Variants in VPS13C observed in about 807,000 individuals in gnomAD.
VPS13C encodes the protein vacuolar protein sorting 13 homolog C.
A neutral mutation model predicts 456.8 loss-of-function variants in VPS13C; 358 were observed. The observed-to-expected ratio is 0.78, with a 90% CI of 0.72 to 0.86. The LOEUF (loss-of-function observed/expected upper bound fraction) is 0.86. Ranked by LOEUF, VPS13C falls within the 40% of genes least tolerant of loss-of-function variation. The probability of loss-of-function intolerance (pLI) is 0.00; values close to 1 mark genes in which losing one functional copy is unlikely to be tolerated. For missense variants in VPS13C, 4,818 were observed against 4,385.4 expected (o/e 1.10, Z -2.79); for synonymous variants, 1,578 against 1,486.7 (o/e 1.06, Z -1.41).
In VPS13C at chr15:62,013,958, T is replaced by C. The variant is rs2140521334; in HGVS notation, c.719A>G (p.Asn240Ser). Residue 240 changes from asparagine to serine, a missense_variant, in exon 10 of 85, where the codon AAT (asparagine) becomes AGT (serine). By Grantham distance (46) the Asn-to-Ser change is conservative. Transcript: ENST00000644861. Reference protein sequence around the residue: ...ANEHWTPCILNEADKIIYKLI... With the variant: ...ANEHWTPCILSEADKIIYKLI... ...CTTGTATATAATTTTGTCTGCTTCA[T>C]TTAATATGCATGGAGTCCAGTGTTC... The C allele has an allele frequency of 1.9e-6, 3 of 1,610,406 alleles. No homozygotes were observed. Among genetic ancestry groups the C allele is most frequent in the Non-Finnish European group, 2.5e-6 (3 of 1,178,042 alleles).
chr15:61,901,870 C>T (rs2043007977), intron 66 of VPS13C, among the ~76,000 whole-genome samples: 1 of 152,006 alleles, frequency 6.6e-6, no homozygotes, highest in Non-Finnish European at 1.5e-5. Context: ...CCCAAATGTC[C>T]AACAATGATA....
rs1273502741 is a variant in VPS13C, at chr15:61,901,045, T to C, written c.9105+6219A>G. Among the ~76,000 whole-genome samples, 774 of 151,772 alleles carry C rather than the reference T, an allele frequency of 5.1e-3. 9 individuals carry two copies. The highest frequency in any genetic ancestry group is 0.018 in the African/African-American group (727 of 41,364). On this transcript the variant is annotated intron_variant, in intron 66 of 84. Coordinates refer to ENST00000644861, the MANE Select transcript of VPS13C (RefSeq NM_020821.3). The stretch of plus-strand genomic sequence containing the variant: ...TATTTAATAAATGGTGCTGGGAAAA[T>C]TGGCTAGCCATATGTAGAAAGCTGA...
chr15:61,896,609 G>A (rs1400865437), intron 66 of VPS13C, among the ~76,000 whole-genome samples: 21 of 152,180 alleles, frequency 1.4e-4, no homozygotes, highest in Admixed American at 3.9e-4. Context: ...CTACGCCCAC[G>A]GAGTCTCGCT....
At chr15:61,936,882 A>T (rs2044244686) in intron 47 of VPS13C, 132 bp from the exon 48 acceptor site, 2 of 957,768 alleles carry the variant, frequency 2.1e-6, no homozygotes, top group Non-Finnish European at 3.0e-6. Context: ...AGTTAGGACT[A>T]TAAATACCAG....
intron 3 of VPS13C, among the ~76,000 whole-genome samples, chr15:62,035,912 G>C (rs1414349289): frequency 6.6e-6 from 1 of 151,980 alleles, no homozygotes; most frequent in Non-Finnish European, 1.5e-5. Context: ...GTTCAGGGAA[G>C]ACAAGAGAAG....
chr15:62,005,723 G>C (rs146700023), intron 15 of VPS13C, among the ~76,000 whole-genome samples: 1 of 150,926 alleles, frequency 6.6e-6, no homozygotes, highest in East Asian at 1.9e-4. Flanking sequence ...TTTTTCTTGA[G>C]AGGGAGTTTC....
chr15:62,007,152 GA>G (rs1006778397), intron 15 of VPS13C, among the ~76,000 whole-genome samples, 155 bp downstream of exon 15: 14 of 149,744 alleles, frequency 9.3e-5, no homozygotes, highest in Non-Finnish European at 1.3e-4. Flanking sequence ...AGAAAAACTG[GA>G]AAAAAAAAAT....
At chr15:61,921,230 C>G (rs2043643672) in intron 55 of VPS13C, among the ~76,000 whole-genome samples, 7 of 152,006 alleles carry the variant, frequency 4.6e-5, no homozygotes, top group Admixed American at 4.6e-4. Flanking sequence ...GAAATTGGAA[C>G]ACAGGTTAAG....
chr15:61,919,867 CTA>C (rs1230761594), intron 57 of VPS13C, among the ~76,000 whole-genome samples, 198 bp downstream of exon 57: 1 of 149,072 alleles, frequency 6.7e-6, no homozygotes, highest in African/African-American at 2.4e-5. Context: ...CAAAAATAAT[CTA>C]GTTTTGTAAA....
intron 64 of VPS13C, among the ~76,000 whole-genome samples, chr15:61,909,761 T>C (rs1374700616): frequency 6.6e-6 from 1 of 152,180 alleles, no homozygotes; most frequent in Admixed American, 6.5e-5. Context: ...ATGGTGTATA[T>C]GTGCCACATT....
intron 61 of VPS13C, among the ~76,000 whole-genome samples, chr15:61,914,653 C>T (rs940664147): frequency 6.6e-6 from 1 of 150,832 alleles, no homozygotes; most frequent in Non-Finnish European, 1.5e-5. Context: ...CTCTGCCTCC[C>T]GGGTTCAAGT....
chr15:61,922,298 T>G, intron 54 of VPS13C, 99 bp downstream of exon 54: 1 of 1,396,816 alleles, frequency 7.2e-7, no homozygotes, highest in Non-Finnish European at 9.7e-7. Flanking sequence ...TTCACATATG[T>G]ACTCATAGTG....
chr15:61,975,401 A>G (rs2045674802), intron 24 of VPS13C, among the ~76,000 whole-genome samples: 1 of 152,042 alleles, frequency 6.6e-6, no homozygotes, highest in African/African-American at 2.4e-5. Context: ...AGAAAAATAG[A>G]AAAGGCACAA....
At chr15:61,931,707 G>C (rs893707036) in intron 49 of VPS13C, among the ~76,000 whole-genome samples, 1 of 151,440 alleles carries the variant, frequency 6.6e-6, no homozygotes, top group African/African-American at 2.4e-5. Context: ...CTCCCGAGTA[G>C]CTGGGATTAC....
intron 82 of VPS13C, among the ~76,000 whole-genome samples, chr15:61,861,779 C>T (rs1189160918): frequency 6.6e-6 from 1 of 152,146 alleles, no homozygotes; most frequent in Admixed American, 6.5e-5. Context: ...ATGATAACTA[C>T]CTCAATCAAA....
At chr15:61,901,322 CA>C (rs2042988998) in intron 66 of VPS13C, among the ~76,000 whole-genome samples, 1 of 151,966 alleles carries the variant, frequency 6.6e-6, no homozygotes, top group Non-Finnish European at 1.5e-5. Context: ...AGTGAACAGG[CA>C]ACCTACAAAA....
intron 10 of VPS13C, 33 bp from the exon 11 acceptor site, chr15:62,013,152 C>G (rs566708989): frequency 6.8e-7 from 1 of 1,477,728 alleles, no homozygotes; most frequent in Admixed American, 1.9e-5. Flanking sequence ...ATCAGGCAAT[C>G]AACACACTGA....
At position 61,922,780 on chromosome 15, in the gene VPS13C, G is replaced by T. The variant is rs1364289765; in HGVS notation, c.6610-18C>A. The T allele has an allele frequency of 6.5e-7, 1 of 1,534,814 alleles. No individual in the cohort carries two copies. The highest frequency in any genetic ancestry group is 8.7e-7 in the Non-Finnish European group (1 of 1,146,290). On this transcript the variant is annotated intron_variant, in intron 53 of 84. Coordinates refer to ENST00000644861, the MANE Select transcript of VPS13C (RefSeq NM_020821.3). ...GGTGAAATCTTTAAAAAAGAAAGCA[G>T]AAAAATATTTATAATAAATTCTTTC...
chr15:62,021,741 A>G (rs2047469304), intron 8 of VPS13C, among the ~76,000 whole-genome samples: 1 of 152,028 alleles, frequency 6.6e-6, no homozygotes, highest in African/African-American at 2.4e-5. Flanking sequence ...CAGATATACA[A>G]TGATTTGTGG....
Sources: gnomAD v4.1 joint callset for allele counts (sites outside exome capture counted in the v4.1 genomes callset) on GRCh38, gnomAD v4.1.1 for gene constraint, MANE v1.5 for transcripts, NCBI Gene and HGNC (gene_info 2026-07-23, HGNC 2026-07-21) for gene names.